The following RNF212B variants were observed in gnomAD, a reference collection of about 807,000 sequenced individuals.
RNF212B encodes ring finger protein 212B, also known as E3 ubiquitin-protein ligase RNF212B.
Under a neutral mutation model 55.5 loss-of-function variants are expected in RNF212B, and 52 were observed. The ratio of observed to expected loss-of-function variants is 0.94; its 90% confidence interval spans 0.75 to 1.18. RNF212B has a LOEUF of 1.18. RNF212B is among the 50% of genes most tolerant of loss of function. The pLI is 0.00. For synonymous variants in RNF212B, 99 were observed against 121.4 expected (o/e 0.82, Z 1.21); for missense variants, 289 against 350.4 (o/e 0.82, Z 1.40).
chr14:23,264,907 C>T (rs538169304), intron 11 of RNF212B, among the ~76,000 whole-genome samples: 1 of 151,754 alleles, frequency 6.6e-6, no homozygotes, highest in Non-Finnish European at 1.5e-5. Context: ...CCACATCCTC[C>T]GCCTCCCATG....
chr14:23,224,250 A>C (rs1196386405), intron 2 of RNF212B, among the ~76,000 whole-genome samples: 4 of 152,060 alleles, frequency 2.6e-5, no homozygotes, highest in Non-Finnish European at 4.4e-5. Context: ...AAAAAAAGCT[A>C]TCCTAAAATT....
In RNF212B at chr14:23,260,753, G is replaced by A. The variant is rs139001020; in HGVS notation, c.434+66G>A. On this transcript the variant is annotated intron_variant, in intron 7 of 14. Transcript: ENST00000430154. ...AATTCCTGTTCTTTCTTGACTCCTGGCTGTGTGAACTCTGAGAGAGAGAAA... is the reference window on the plus strand; with the variant it reads ...AATTCCTGTTCTTTCTTGACTCCTGACTGTGTGAACTCTGAGAGAGAGAAA... The A allele has an allele frequency of 3.6e-5, 50 of 1,378,876 alleles. No individual in the cohort carries two copies. The East Asian group carries it at 1.2e-3, about 32-fold the overall frequency. 85.4% of individuals were successfully genotyped at this position (1,378,876 alleles called of 1,614,324 possible).
intron 2 of RNF212B, among the ~76,000 whole-genome samples, chr14:23,232,726 G>T (rs568613260): frequency 2.7e-5 from 4 of 149,488 alleles, no homozygotes; most frequent in African/African-American, 9.9e-5. Context: ...CGCCCCGTCC[G>T]GGAGGGAGGT....
At chr14:23,216,997 CAG>C (rs1881146290) in intron 2 of RNF212B, among the ~76,000 whole-genome samples, 1 of 150,052 alleles carries the variant, frequency 6.7e-6, no homozygotes, top group Non-Finnish European at 1.5e-5. Flanking sequence ...TAGTGACTGA[CAG>C]ATGTTAAGAA....
At chr14:23,216,304 A>G (rs1168544338) in intron 2 of RNF212B, among the ~76,000 whole-genome samples, 1 of 152,144 alleles carries the variant, frequency 6.6e-6, no homozygotes, top group Non-Finnish European at 1.5e-5. Context: ...ACATTCCAAA[A>G]CATTATAAAT....
chr14:23,241,074 G>A (rs1190068510), intron 2 of RNF212B, among the ~76,000 whole-genome samples: 1 of 152,064 alleles, frequency 6.6e-6, no homozygotes. Flanking sequence ...TACAAGGTGT[G>A]TAAATCCCTA....
At chr14:23,200,390 A>G (rs1879172691) in intron 2 of RNF212B, among the ~76,000 whole-genome samples, 1 of 151,802 alleles carries the variant, frequency 6.6e-6, no homozygotes, top group South Asian at 2.1e-4. Context: ...CAATGGCATG[A>G]TCTTGGCCCA....
At chr14:23,241,637 T>A (rs1488203559) in intron 2 of RNF212B, among the ~76,000 whole-genome samples, 1 of 151,852 alleles carries the variant, frequency 6.6e-6, no homozygotes. Context: ...TTGGCCAGGC[T>A]GATCTCGAAC....
intron 2 of RNF212B, among the ~76,000 whole-genome samples, chr14:23,215,601 T>C (rs1327204090): frequency 6.6e-6 from 1 of 152,150 alleles, no homozygotes; most frequent in Non-Finnish European, 1.5e-5. Context: ...AGAAAGGAAC[T>C]GTCCATCCAG....
chr14:23,261,826 G>A (rs766454987), intron 7 of RNF212B, among the ~76,000 whole-genome samples: 5 of 151,962 alleles, frequency 3.3e-5, no homozygotes, highest in Admixed American at 6.6e-5. Context: ...TTAGCCGGGC[G>A]TGGTGGAGGA....
chr14:23,253,512 A>G (rs1021717499), intron 4 of RNF212B, among the ~76,000 whole-genome samples: 3 of 152,022 alleles, frequency 2.0e-5, no homozygotes, highest in African/African-American at 7.3e-5. Context: ...AGGGTTTATC[A>G]CCATCATTGG....
At chr14:23,220,199 A>G (rs1881438180) in intron 2 of RNF212B, among the ~76,000 whole-genome samples, 1 of 146,084 alleles carries the variant, frequency 6.8e-6, no homozygotes, top group African/African-American at 2.7e-5. Flanking sequence ...AACAAAAACA[A>G]AAACAAAAAC....
At chr14:23,265,985 GT>G (rs576269316) in intron 11 of RNF212B, among the ~76,000 whole-genome samples, 10 of 150,824 alleles carry the variant, frequency 6.6e-5, no homozygotes, top group South Asian at 4.2e-4. Context: ...GTTCATTTGT[GT>G]TTTTTTTTGA....
At chr14:23,209,585 C>G (rs8006954) in intron 2 of RNF212B, among the ~76,000 whole-genome samples, 5,540 of 152,172 alleles carry the variant, frequency 0.036, 334 homozygotes, top group African/African-American at 0.13. Flanking sequence ...CAAATCTTTA[C>G]AGAATACTTT....
At chr14:23,256,107 C>CT (rs2140463297) in intron 4 of RNF212B, among the ~76,000 whole-genome samples, 1 of 152,044 alleles carries the variant, frequency 6.6e-6, no homozygotes, top group South Asian at 2.1e-4. Context: ...TGTTTATGCA[C>CT]TTACGACCCT....
intron 2 of RNF212B, among the ~76,000 whole-genome samples, chr14:23,222,115 A>AG (rs1166912279): frequency 2.6e-5 from 4 of 152,104 alleles, no homozygotes. Flanking sequence ...CAAAATTAGG[A>AG]GAAAAAAAGC....
chr14:23,224,523 T>C (rs1881843030), intron 2 of RNF212B, among the ~76,000 whole-genome samples: 1 of 152,120 alleles, frequency 6.6e-6, no homozygotes, highest in Admixed American at 6.6e-5. Context: ...CTTCAGCAAA[T>C]AGTGCTGGGA....
rs566038723 is a variant in RNF212B at position 23,193,045 on chromosome 14, T to G, written c.-78-280T>G. Among the ~76,000 whole-genome samples the G allele has an allele frequency of 2.1e-4, 29 of 135,572 alleles. No homozygotes were observed. In the Admixed American group the frequency reaches 2.2e-3, roughly 10 times the overall value. The allele number at this position is 135,572 out of a possible 152,430, so 88.9% of individuals were successfully genotyped here. On this transcript the variant is annotated intron_variant, in intron 1 of 15. Coordinates refer to the RNF212B transcript ENST00000399910. The stretch of plus-strand genomic sequence containing the variant: ...AGGTGGAGGTTGCTGTGAGACGAGA[T>G]CACGCCATTGCACTCCAGCCTGGGC...
chr14:23,233,065 A>G (rs1882830468), upstream of RNF212B, among the ~76,000 whole-genome samples: 2 of 152,278 alleles, frequency 1.3e-5, no homozygotes, highest in Admixed American at 1.3e-4. Context: ...TGTACTAAGA[A>G]AAATTCTTCT....
Sources: allele counts gnomAD v4.1 joint callset (sites outside exome capture counted in the v4.1 genomes callset), GRCh38; gene constraint gnomAD v4.1.1; transcripts MANE v1.5; gene names NCBI Gene and HGNC (gene_info 2026-07-23, HGNC 2026-07-21).